MACROD2: variants seen among roughly 807,000 people sequenced by gnomAD.
MACROD2 encodes mono-ADP ribosylhydrolase 2.
A neutral mutation model predicts 70.4 loss-of-function variants in MACROD2; 36 were observed. The observed-to-expected ratio is 0.51, with a 90% CI of 0.39 to 0.68. The LOEUF (loss-of-function observed/expected upper bound fraction) is 0.68, where lower values mean the gene tolerates loss of function less well. Among genes scored for constraint, MACROD2 ranks in the 30% least tolerant of loss-of-function variants. The pLI is 0.00. For missense variants in MACROD2, 496 were observed against 538.4 expected, an observed-to-expected ratio of 0.92 and a Z score of 0.78; for synonymous variants, 172 against 178.8, an observed-to-expected ratio of 0.96 and a Z score of 0.30.
chr20:15,583,345 AT>A (rs1275177439), intron 8 of MACROD2, among the ~76,000 whole-genome samples: 1 of 152,238 alleles, frequency 6.6e-6, no homozygotes, highest in African/African-American at 2.4e-5. Flanking sequence ...TAACGGGCAG[AT>A]TATGTATCAA....
intron 10 of MACROD2, among the ~76,000 whole-genome samples, chr20:15,933,049 G>A (rs932224249): frequency 1.3e-5 from 2 of 152,098 alleles, no homozygotes; most frequent in Non-Finnish European, 2.9e-5. Context: ...TGTTTACTGC[G>A]GTTAAACATT....
intron 7 of MACROD2, among the ~76,000 whole-genome samples, chr20:15,458,937 CG>C (rs2046771914): frequency 6.6e-6 from 1 of 152,034 alleles, no homozygotes; most frequent in Non-Finnish European, 1.5e-5. Flanking sequence ...TTTCAGCAGA[CG>C]TTCAAGGTCT....
At chr20:14,304,110 G>A (rs1336404271) in intron 3 of MACROD2, among the ~76,000 whole-genome samples, 1 of 152,038 alleles carries the variant, frequency 6.6e-6, no homozygotes, top group African/African-American at 2.4e-5. Flanking sequence ...TACTACTTAC[G>A]AATGCAAACT....
intron 5 of MACROD2, among the ~76,000 whole-genome samples, chr20:14,948,913 A>G (rs1400494589): frequency 6.6e-6 from 1 of 152,202 alleles, no homozygotes; most frequent in Non-Finnish European, 1.5e-5. Context: ...ACAGGTTGAC[A>G]TTATCACAAA....
chr20:15,708,273 T>C (rs2050567367), intron 8 of MACROD2, among the ~76,000 whole-genome samples: 1 of 151,978 alleles, frequency 6.6e-6, no homozygotes, highest in African/African-American at 2.4e-5. Flanking sequence ...ATACCCATAG[T>C]AAAAAGCAAA....
chr20:15,680,149 G>A (rs912064532), intron 8 of MACROD2, among the ~76,000 whole-genome samples: 35 of 152,142 alleles, frequency 2.3e-4, no homozygotes, highest in Non-Finnish European at 3.4e-4. Flanking sequence ...TAAAAAAAGT[G>A]CATGAGAATA....
intron 5 of MACROD2, among the ~76,000 whole-genome samples, chr20:15,199,361 AAAC>A (rs1182895506): frequency 6.6e-6 from 1 of 152,160 alleles, no homozygotes; most frequent in African/African-American, 2.4e-5. Context: ...TGTCTCAAAA[AAAC>A]AAAAAACAAA....
chr20:14,233,118 G>T (rs1364170082), intron 3 of MACROD2, among the ~76,000 whole-genome samples: 1 of 152,096 alleles, frequency 6.6e-6, no homozygotes, highest in East Asian at 1.9e-4. Context: ...TATGGGTGTG[G>T]TTCATGGTGC....
At chr20:15,263,329 T>C (rs1244987659) in intron 6 of MACROD2, among the ~76,000 whole-genome samples, 1 of 152,042 alleles carries the variant, frequency 6.6e-6, no homozygotes, top group African/African-American at 2.4e-5. Flanking sequence ...TTGTAAAAAT[T>C]GAGTTCACTA....
chr20:15,589,141 A>T (rs1316386975), intron 8 of MACROD2, among the ~76,000 whole-genome samples: 2 of 152,186 alleles, frequency 1.3e-5, no homozygotes, highest in Non-Finnish European at 2.9e-5. Flanking sequence ...GAAAATGAGG[A>T]GGAAGCAAAA....
At chr20:15,280,682 G>T (rs927483196) in intron 6 of MACROD2, 1 of 152,184 alleles carries the variant, frequency 6.6e-6, no homozygotes, top group Admixed American at 6.5e-5. Flanking sequence ...ATAAAATTCA[G>T]CCAAGTTAAC....
intron 6 of MACROD2, among the ~76,000 whole-genome samples, chr20:15,280,569 G>T (rs978660432): frequency 6.6e-6 from 1 of 152,152 alleles, no homozygotes; most frequent in Admixed American, 6.5e-5. Flanking sequence ...TTTCTGAAGA[G>T]AAATCTAAGG....
chr20:15,454,488 A>T (rs1312575577), intron 7 of MACROD2, among the ~76,000 whole-genome samples: 1 of 151,564 alleles, frequency 6.6e-6, no homozygotes, highest in African/African-American at 2.4e-5. Flanking sequence ...GGACTGCAAC[A>T]GTTGTCTAGA....
rs1463711316 is a variant in MACROD2, at chr20:14,862,110, A to AAT, written c.418+177157_418+177158dup. Among the ~76,000 whole-genome samples the AAT allele has an allele frequency of 3.3e-3, 9 of 2,750 alleles. 1 individual carries two copies. Among genetic ancestry groups the AAT allele is most frequent in the African/African-American group, 0.026 (7 of 274 alleles). The allele number at this position is 2,750 out of a possible 152,430, so 1.8% of individuals were successfully genotyped here. ...ATATATAAATATATATTTATACATAAATATATAAATATATAATATATATAA... is the reference window on the plus strand; with the variant it reads ...ATATATAAATATATATTTATACATAAATATATATAAATATATAATATATATAA... On this transcript the variant is annotated intron_variant, in intron 5 of 17. Transcript: ENST00000684519.
At chr20:14,618,599 G>C (rs1334551282) in intron 4 of MACROD2, among the ~76,000 whole-genome samples, 4 of 152,112 alleles carry the variant, frequency 2.6e-5, no homozygotes, top group Non-Finnish European at 5.9e-5. Flanking sequence ...CTCCCTGGAG[G>C]CAAGTCTGGA....
intron 4 of MACROD2, among the ~76,000 whole-genome samples, chr20:14,636,266 C>G (rs1478422197): frequency 6.6e-6 from 1 of 151,918 alleles, no homozygotes; most frequent in Non-Finnish European, 1.5e-5. Flanking sequence ...ATGTCACGCC[C>G]AAATATTTCT....
intron 4 of MACROD2, among the ~76,000 whole-genome samples, chr20:14,540,600 C>T (rs1365848894): frequency 6.6e-6 from 1 of 152,126 alleles, no homozygotes; most frequent in Non-Finnish European, 1.5e-5. Flanking sequence ...TCCTGCCAGT[C>T]TCTGATTGAA....
At chr20:14,754,114 A>C (rs1426833263) in intron 5 of MACROD2, among the ~76,000 whole-genome samples, 1 of 152,088 alleles carries the variant, frequency 6.6e-6, no homozygotes, top group East Asian at 1.9e-4. Context: ...CTATTTAATA[A>C]ATGTTTTTTA....
At chr20:15,908,104 G>A (rs1352273193) in intron 10 of MACROD2, among the ~76,000 whole-genome samples, 1 of 151,914 alleles carries the variant, frequency 6.6e-6, no homozygotes, top group Non-Finnish European at 1.5e-5. Context: ...CATTATAATA[G>A]CTAAGAGTTT....
Sources: allele counts gnomAD v4.1 joint callset (sites outside exome capture counted in the v4.1 genomes callset), GRCh38; gene constraint gnomAD v4.1.1; transcripts MANE v1.5; gene names NCBI Gene and HGNC (gene_info 2026-07-23, HGNC 2026-07-21).